The following ADAMTSL3 variants were observed in gnomAD, a reference collection of about 807,000 sequenced individuals.
The protein encoded by ADAMTSL3 is ADAMTS like 3, also known as ADAMTS-like protein 3.
A neutral mutation model predicts 201.7 loss-of-function variants in ADAMTSL3; 128 were observed. The observed-to-expected ratio is 0.63, with a 90% confidence interval of 0.55 to 0.73. The LOEUF is 0.73. Ranked by LOEUF, ADAMTSL3 falls within the 30% of genes least tolerant of loss-of-function variation. The pLI is 0.00. For synonymous variants in ADAMTSL3, 738 were observed against 748.4 expected (o/e 0.99, Z 0.23); for missense variants, 1,990 against 2,119.6 (o/e 0.94, Z 1.20).
At chr15:83,708,354 T>G (rs1373430286) in intron 3 of ADAMTSL3, among the ~76,000 whole-genome samples, 1 of 152,196 alleles carries the variant, frequency 6.6e-6, no homozygotes, top group African/African-American at 2.4e-5. Context: ...CTGGGCGCAT[T>G]TCATGAAGAC....
chr15:83,831,707 C>G (rs894684883), intron 6 of ADAMTSL3, among the ~76,000 whole-genome samples: 1 of 152,078 alleles, frequency 6.6e-6, no homozygotes, highest in Non-Finnish European at 1.5e-5. Context: ...GCAGATTCTT[C>G]CGTAGAAATC....
intron 23 of ADAMTSL3, among the ~76,000 whole-genome samples, chr15:84,006,833 T>C (rs1292593628): frequency 6.6e-6 from 1 of 152,196 alleles, no homozygotes; most frequent in Non-Finnish European, 1.5e-5. Flanking sequence ...CGTGTAACGA[T>C]GCTTCTAGGT....
chr15:83,838,253 A>G, intron 7 of ADAMTSL3, 38 bp downstream of exon 7: 1 of 1,603,196 alleles, frequency 6.2e-7, no homozygotes, highest in East Asian at 2.2e-5. Flanking sequence ...CCATCATACA[A>G]GATATATTTT....
chr15:83,696,458 G>A (rs1023570353), intron 2 of ADAMTSL3, among the ~76,000 whole-genome samples: 4 of 152,342 alleles, frequency 2.6e-5, no homozygotes, highest in East Asian at 1.9e-4. Flanking sequence ...CTGGCTAAGC[G>A]CTGGTGTCAT....
chr15:83,764,834 G>T (rs1052921253), intron 3 of ADAMTSL3, among the ~76,000 whole-genome samples: 1 of 152,154 alleles, frequency 6.6e-6, no homozygotes, highest in African/African-American at 2.4e-5. Flanking sequence ...AATGAAAAAT[G>T]TTGTGTGCTC....
At chr15:84,001,236 C>T (rs936065371) in intron 23 of ADAMTSL3, among the ~76,000 whole-genome samples, 2 of 152,008 alleles carry the variant, frequency 1.3e-5, no homozygotes, top group African/African-American at 2.4e-5. Context: ...ACAGGTGTCC[C>T]GAGGCTAGGG....
At chr15:83,939,256 T>G (rs2066513299) in intron 17 of ADAMTSL3, among the ~76,000 whole-genome samples, 1 of 152,170 alleles carries the variant, frequency 6.6e-6, no homozygotes, top group Non-Finnish European at 1.5e-5. Context: ...TCTTCTTTTT[T>G]TTTTGAGAGT....
chr15:83,657,854 G>A (rs2061111704), intron 2 of ADAMTSL3, among the ~76,000 whole-genome samples: 3 of 152,204 alleles, frequency 2.0e-5, no homozygotes, highest in Non-Finnish European at 4.4e-5. Context: ...AGGGTGGTAG[G>A]TCAGCCCTGT....
chr15:83,668,208 G>A (rs1452166752), intron 2 of ADAMTSL3, among the ~76,000 whole-genome samples: 1 of 151,936 alleles, frequency 6.6e-6, no homozygotes, highest in African/African-American at 2.4e-5. Context: ...GAAAAATGAT[G>A]ACAAAGGAGG....
chr15:83,740,671 C>T (rs987901830), intron 3 of ADAMTSL3, among the ~76,000 whole-genome samples: 30 of 152,132 alleles, frequency 2.0e-4, no homozygotes, highest in African/African-American at 6.3e-4. Flanking sequence ...CAGTATACCT[C>T]ATCAGTATAG....
intron 2 of ADAMTSL3, among the ~76,000 whole-genome samples, chr15:83,666,648 C>T (rs927111306): frequency 2.3e-4 from 35 of 151,930 alleles, no homozygotes; most frequent in Admixed American, 2.1e-3. Flanking sequence ...GACCAGTCTG[C>T]ACAATATAGG....
chr15:83,982,517 G>A lies in ADAMTSL3; in HGVS notation c.2889G>A (p.Lys963=), dbSNP rs1437760826. The A allele has an allele frequency of 1.9e-6, 3 of 1,614,090 alleles. No individual in the cohort carries two copies. The highest frequency in any genetic ancestry group is 1.7e-5 in the Admixed American group (1 of 60,008). ...ACTCCAAACGGCTTGGCATCACCAA[G>A]TCAGGCTCACTAAAAATCCATGGTC... The part of the protein sequence containing the change: ...LQNSKRLGIT[K]SGSLKIHGLA... The change falls in exon 21 of 30, where the codon AAG becomes AAA. Residue 963 remains lysine (K), a synonymous_variant. Coordinates refer to ENST00000286744, the MANE Select transcript of ADAMTSL3 (RefSeq NM_207517.3).
In ADAMTSL3 at chr15:83,694,308, A is replaced by T. The variant is rs553365601; in HGVS notation, c.70-10081A>T. 2.0e-5 allele frequency: 3 copies of T among 152,300 alleles called. No individual in the cohort carries two copies. In the South Asian group the frequency reaches 6.2e-4, roughly 32 times the overall value. The allele number at this position is 152,300 out of a possible 1,614,324, so 9.4% of individuals were successfully genotyped here. A position where few individuals can be genotyped will look rare whatever the true frequency, so the allele number is the denominator to read the frequency against. On this transcript the variant is annotated intron_variant, in intron 2 of 29. Coordinates refer to ENST00000286744, the MANE Select transcript of ADAMTSL3 (RefSeq NM_207517.3). ...CTCTCTCCTGGGTGCTTTGGTGGGA[A>T]CGGAACGGTGTCACCCCTCACCGAG...
intron 3 of ADAMTSL3, among the ~76,000 whole-genome samples, chr15:83,758,166 A>G (rs1410195215): frequency 1.3e-5 from 2 of 152,150 alleles, no homozygotes; most frequent in Admixed American, 6.5e-5. Context: ...AATTTACTGT[A>G]TTAGTCCGTT....
chr15:83,784,662 C>T (rs2063231655), intron 4 of ADAMTSL3, among the ~76,000 whole-genome samples: 1 of 152,126 alleles, frequency 6.6e-6, no homozygotes, highest in Non-Finnish European at 1.5e-5. Context: ...GGAAATTATA[C>T]ACATATCTTG....
intron 9 of ADAMTSL3, among the ~76,000 whole-genome samples, chr15:83,880,290 C>G (rs898821542): frequency 3.9e-5 from 6 of 152,082 alleles, no homozygotes; most frequent in African/African-American, 1.2e-4. Context: ...CTAATTTCCA[C>G]TTTCTTTTTA....
intron 6 of ADAMTSL3, among the ~76,000 whole-genome samples, chr15:83,826,196 C>T (rs1461868318): frequency 6.6e-6 from 1 of 152,050 alleles, no homozygotes; most frequent in East Asian, 1.9e-4. Context: ...GCCTTGGGCT[C>T]CTGGGCTCAA....
chr15:83,718,390 C>T (rs1199879306), intron 3 of ADAMTSL3, among the ~76,000 whole-genome samples: 2 of 152,072 alleles, frequency 1.3e-5, no homozygotes, highest in South Asian at 2.1e-4. Flanking sequence ...AGCTTGTCAA[C>T]ACTTTTATAA....
At chr15:83,941,097 T>A (rs1385690289) in intron 17 of ADAMTSL3, among the ~76,000 whole-genome samples, 1 of 151,982 alleles carries the variant, frequency 6.6e-6, no homozygotes, top group Non-Finnish European at 1.5e-5. Flanking sequence ...TGTCCATTTT[T>A]CCTATACTTC....
Sources: gnomAD v4.1 joint callset for allele counts (sites outside exome capture counted in the v4.1 genomes callset) on GRCh38, gnomAD v4.1.1 for gene constraint, MANE v1.5 for transcripts, NCBI Gene and HGNC (gene_info 2026-07-23, HGNC 2026-07-21) for gene names.